The following KIF18A variants were observed in gnomAD, a reference collection of about 807,000 sequenced individuals.
KIF18A encodes kinesin family member 18A, also known as kinesin-like protein KIF18A.
Under a neutral mutation model 103.3 loss-of-function variants are expected in KIF18A, and 67 were observed. The ratio of observed to expected loss-of-function variants is 0.65; its 90% CI spans 0.53 to 0.79. The LOEUF is 0.79. KIF18A is among the 30% of genes least tolerant of loss of function. KIF18A has a pLI of 0.00. For synonymous variants in KIF18A, 367 were observed against 355.5 expected, an observed-to-expected ratio of 1.03 and a Z score of -0.36; for missense variants, 1,032 against 1,062.5, an observed-to-expected ratio of 0.97 and a Z score of 0.40.
At chr11:28,082,143 T>G (rs1005563325) in intron 9 of KIF18A, among the ~76,000 whole-genome samples, 2 of 152,148 alleles carry the variant, frequency 1.3e-5, no homozygotes, top group Non-Finnish European at 2.9e-5. Context: ...CTACTCCCTA[T>G]AAAGATGCTA....
At position 28,036,564 on chromosome 11, in the gene KIF18A, C is replaced by T. The variant is rs781250611; in HGVS notation, c.2049G>A (p.Lys683=). 3.1e-6 allele frequency: 5 copies of T among 1,610,790 alleles called. No individual in the cohort carries two copies. In the South Asian group the frequency reaches 5.5e-5, roughly 18 times the overall value. ...PSPLKGQHTL[K]SPPSQSVQLN... ...GCTGCACACTTTGAGATGGTGGAGACTTTAGAGTATGCTGTCCTTTCAAGG... is the reference window on the plus strand; with the variant it reads ...GCTGCACACTTTGAGATGGTGGAGATTTTAGAGTATGCTGTCCTTTCAAGG... Residue 683 remains lysine, a synonymous_variant, in exon 14 of 17, where the codon AAG becomes AAA. Transcript: ENST00000263181.
At chr11:28,036,107 C>T (rs1330159701) in intron 14 of KIF18A, 110 bp downstream of exon 14, 1 of 606,220 alleles carries the variant, frequency 1.6e-6, no homozygotes, top group Non-Finnish European at 2.8e-6. Flanking sequence ...GAAAATAAAA[C>T]AGACTGTTTT....
Position 28,097,650 on chromosome 11 carries a change from T to C in KIF18A, c.298A>G (p.Ser100Gly), listed in dbSNP as rs374290348. Residue 100 changes from serine to glycine, a missense_variant, in exon 2 of 17, where the codon AGT becomes GGT. Ser to Gly is a moderately conservative substitution (Grantham distance 56). Coordinates refer to ENST00000263181, the MANE Select transcript of KIF18A (RefSeq NM_031217.4). ...GTGCAATTATATCCATTCAAAAAAC[T>C]ACGAAGAATTGGCTTAGTAGTGTGT... ...FEHTTKPILR[S>G]FLNGYNCTVL... is the part of the protein sequence containing the mutation. 5.0e-6 allele frequency: 8 copies of C among 1,609,716 alleles called. No individual in the cohort carries two copies. Among genetic ancestry groups the C allele is most frequent in the Non-Finnish European group, 5.1e-6 (6 of 1,176,476 alleles).
intron 5 of KIF18A, among the ~76,000 whole-genome samples, chr11:28,089,594 T>G (rs1851275537): frequency 6.6e-6 from 1 of 152,192 alleles, no homozygotes; most frequent in African/African-American, 2.4e-5. Context: ...CATCACTAGA[T>G]GAATAGGAAC....
intron 13 of KIF18A, among the ~76,000 whole-genome samples, chr11:28,045,294 T>C (rs969290913): frequency 6.6e-6 from 1 of 151,966 alleles, no homozygotes; most frequent in South Asian, 2.1e-4. Context: ...GGACAATCAA[T>C]CTACTTCAGT....
intron 13 of KIF18A, among the ~76,000 whole-genome samples, chr11:28,038,127 T>C (rs935379991): frequency 6.6e-6 from 1 of 151,656 alleles, no homozygotes. Context: ...TAGTAATCTT[T>C]AAATAGAAAC....
At chr11:28,032,333 C>A (rs573734091) in intron 15 of KIF18A, among the ~76,000 whole-genome samples, 1 of 151,992 alleles carries the variant, frequency 6.6e-6, no homozygotes, top group South Asian at 2.1e-4. Flanking sequence ...TATCAAAATA[C>A]CAATGACACT....
At chr11:28,048,812 C>G (rs1850673084) in intron 13 of KIF18A, among the ~76,000 whole-genome samples, 1 of 152,064 alleles carries the variant, frequency 6.6e-6, no homozygotes, top group Non-Finnish European at 1.5e-5. Flanking sequence ...GAATTGGACT[C>G]TCATTGTGGA....
chr11:28,055,299 A>G (rs1433844159), intron 13 of KIF18A, among the ~76,000 whole-genome samples: 1 of 152,232 alleles, frequency 6.6e-6, no homozygotes, highest in Non-Finnish European at 1.5e-5. Context: ...GAAGGCAACT[A>G]AAAGTCTGGA....
chr11:28,077,202 C>T (rs199888738), intron 9 of KIF18A, 33 bp from the exon 10 acceptor site: 14 of 1,468,402 alleles, frequency 9.5e-6, no homozygotes, highest in Non-Finnish European at 1.3e-5. Flanking sequence ...CAGAATCTCA[C>T]TAATTTTGTA....
intron 9 of KIF18A, among the ~76,000 whole-genome samples, chr11:28,080,964 T>C (rs1851158202): frequency 6.6e-6 from 1 of 152,200 alleles, no homozygotes; most frequent in Non-Finnish European, 1.5e-5. Flanking sequence ...GTTTCAATGG[T>C]CTGGATAGAT....
intron 9 of KIF18A, among the ~76,000 whole-genome samples, chr11:28,079,846 A>C (rs2133549748): frequency 6.6e-6 from 1 of 152,154 alleles, no homozygotes; most frequent in African/African-American, 2.4e-5. Context: ...CCAGTGTCTC[A>C]ATGGGTCAAT....
intron 16 of KIF18A, among the ~76,000 whole-genome samples, chr11:28,022,366 G>A (rs917629035): frequency 6.6e-6 from 1 of 151,528 alleles, no homozygotes; most frequent in African/African-American, 2.4e-5. Flanking sequence ...CCAGGTTCAC[G>A]CCATTCTCCT....
chr11:28,054,666 A>T (rs1018912281), intron 13 of KIF18A, among the ~76,000 whole-genome samples: 1 of 152,220 alleles, frequency 6.6e-6, no homozygotes, highest in Non-Finnish European at 1.5e-5. Context: ...TACAACATAC[A>T]TAATTCATGA....
At chr11:28,037,520 G>A (rs1363255428) in intron 13 of KIF18A, among the ~76,000 whole-genome samples, 1 of 151,442 alleles carries the variant, frequency 6.6e-6, no homozygotes, top group African/African-American at 2.4e-5. Context: ...TTTATGTAAG[G>A]GACTTGAGTA....
chr11:28,090,857 A>G, intron 4 of KIF18A, 130 bp from the exon 5 acceptor site: 1 of 604,608 alleles, frequency 1.7e-6, no homozygotes, highest in South Asian at 2.1e-5. Flanking sequence ...ATCCTATTAA[A>G]TACTAACTTT....
rs756599370 is a variant in KIF18A at position 28,105,068 on chromosome 11, C to T, written c.-47+2996G>A. On this transcript the variant is annotated intron_variant, in intron 1 of 16. Transcript: ENST00000263181. ...AACCACTATTAAAATTTACCTTAAT[C>T]GCAACATTTAATTTAGTAACAATAA... is the stretch of plus-strand genomic sequence containing the variant. Among the ~76,000 whole-genome samples the T allele has an allele frequency of 2.4e-4, 36 of 151,786 alleles. 1 individual carries two copies. Among genetic ancestry groups the T allele is most frequent in the South Asian group, 1.2e-3 (6 of 4,830 alleles).
At chr11:28,050,871 A>C (rs1174355156) in intron 13 of KIF18A, among the ~76,000 whole-genome samples, 1 of 151,892 alleles carries the variant, frequency 6.6e-6, no homozygotes, top group Non-Finnish European at 1.5e-5. Context: ...ATAAATATCT[A>C]TTCAAAAATC....
intron 7 of KIF18A, among the ~76,000 whole-genome samples, chr11:28,084,114 G>A (rs1325113831): frequency 6.6e-6 from 1 of 152,204 alleles, no homozygotes; most frequent in East Asian, 1.9e-4. Flanking sequence ...GAAATACAGA[G>A]ATTGGTACAT....
Sources: allele counts gnomAD v4.1 joint callset (sites outside exome capture counted in the v4.1 genomes callset), GRCh38; gene constraint gnomAD v4.1.1; transcripts MANE v1.5; gene names NCBI Gene and HGNC (gene_info 2026-07-23, HGNC 2026-07-21).